SPATA31C1: variants seen among roughly 807,000 people sequenced by gnomAD.
SPATA31C1 encodes the protein spermatogenesis-associated protein 31C1.
rs769002575 is a variant in SPATA31C1 at position 87,921,352 on chromosome 9, T to C, written n.1742T>C. 151 of 1,611,824 alleles carry C rather than the reference T, an allele frequency of 9.4e-5. No homozygotes were observed. The African/African-American group carries it at 1.7e-3, about 19-fold the overall frequency. On this transcript the variant is annotated non_coding_transcript_exon_variant, in exon 5 of 5. Transcript: ENST00000420021. ...GATCTGATGCAGCTTCAGGATGAAT[T>C]GCCAGGGACAAGTCAGGCCAAGGGC... is the stretch of plus-strand genomic sequence containing the variant.
At chr9:87,923,227 A>T in exon 5 of SPATA31C1, 1 of 1,603,266 alleles carries the variant, frequency 6.2e-7, no homozygotes, top group Non-Finnish European at 8.5e-7. Context: ...CACCCGTTCT[A>T]CTCAGACCAC....
intron 2 of SPATA31C1, chr9:87,919,019 C>A: frequency 1.9e-6 from 1 of 524,316 alleles, no homozygotes; most frequent in Non-Finnish European, 3.5e-6. Context: ...ATCCACCTGC[C>A]TCGGCCTCCC....
chr9:87,922,504 A>G (rs1166136557), exon 5 of SPATA31C1: 12 of 1,610,618 alleles, frequency 7.5e-6, no homozygotes, highest in Non-Finnish European at 9.3e-6. Flanking sequence ...AGTGAATTTG[A>G]GCCTGGAATG....
exon 5 of SPATA31C1, chr9:87,922,786 A>C: frequency 6.2e-7 from 1 of 1,606,160 alleles, no homozygotes; most frequent in Non-Finnish European, 8.5e-7. Flanking sequence ...CCCCCTACTC[A>C]CAAGAGGGAG....
chr9:87,919,071 C>A (rs1587587863), intron 2 of SPATA31C1, 184 bp from the exon 2 acceptor site: 1 of 992,704 alleles, frequency 1.0e-6, no homozygotes, highest in Non-Finnish European at 1.5e-6. Flanking sequence ...CACCCGACCC[C>A]CTCTTCCTGT....
chr9:87,920,617 C>T (rs1828828619), exon 5 of SPATA31C1: 6 of 1,613,796 alleles, frequency 3.7e-6, no homozygotes, highest in Non-Finnish European at 5.1e-6. Flanking sequence ...AAAGGCTTCA[C>T]TCCTCCTCCC....
rs746989904 is a variant in SPATA31C1, at chr9:87,921,055, T to C, written n.1445T>C. 2.5e-6 allele frequency: 4 copies of C among 1,611,306 alleles called. No homozygotes were observed. The East Asian group carries it at 8.9e-5, about 36-fold the overall frequency. ...CTATCCCCGATGAAGAACACTGGAG[T>C]AGCTTGCCCTGCGTCGCAGAATAAA... On this transcript the variant is annotated non_coding_transcript_exon_variant, in exon 5 of 5. Coordinates refer to ENST00000420021, the Ensembl canonical transcript of SPATA31C1.
Position 87,916,216 on chromosome 9 carries a change from G to A in SPATA31C1, n.189+1506G>A, listed in dbSNP as rs1232535556. ...TAAGAAAACCAATTAGATACCAATG[G>A]TGGTCAGATATGAAGATGGAGGAAG... On this transcript the variant is annotated intron_variant and non_coding_transcript_variant, in intron 1 of 4. Transcript: ENST00000420021. Among the ~76,000 whole-genome samples, 2 of 138,202 alleles carry A rather than the reference G, an allele frequency of 1.4e-5. 1 individual carries two copies. Among genetic ancestry groups the A allele is most frequent in the East Asian group, 4.5e-4 (2 of 4,484 alleles). The allele number at this position is 138,202 out of a possible 152,430, so 90.7% of individuals were successfully genotyped here.
At chr9:87,922,226 G>C (rs762302091) in exon 5 of SPATA31C1, 1 of 1,613,336 alleles carries the variant, frequency 6.2e-7, no homozygotes, top group South Asian at 1.1e-5. Context: ...AGGAGGGCAG[G>C]TGGCCATCTA....
intron 1 of SPATA31C1, among the ~76,000 whole-genome samples, chr9:87,915,839 T>C (rs1425109456): frequency 1.4e-5 from 2 of 145,710 alleles, no homozygotes; most frequent in Non-Finnish European, 1.5e-5. Context: ...AGTTAAAAAA[T>C]TGGGGAGAAT....
chr9:87,920,143 C>G, intron 4 of SPATA31C1, 109 bp from the exon 4 acceptor site: 1 of 1,599,470 alleles, frequency 6.3e-7, no homozygotes, highest in Non-Finnish European at 8.5e-7. Context: ...CAGGGTGTGG[C>G]GTGGTGGAGA....
At chr9:87,921,830 T>G in exon 5 of SPATA31C1, 1 of 1,612,036 alleles carries the variant, frequency 6.2e-7, no homozygotes, top group Non-Finnish European at 8.5e-7. Flanking sequence ...CCCAGGTGCT[T>G]TCCTTCCTTG....
At chr9:87,922,115 G>A (rs1423625065) in exon 5 of SPATA31C1, 28 of 1,613,860 alleles carry the variant, frequency 1.7e-5, no homozygotes, top group Non-Finnish European at 2.4e-5. Context: ...TGCCAGAGAG[G>A]CTTCAGGCCT....
At chr9:87,920,719 A>T in exon 5 of SPATA31C1, 1 of 1,613,924 alleles carries the variant, frequency 6.2e-7, no homozygotes, top group Non-Finnish European at 8.5e-7. Flanking sequence ...CCACGTGAGG[A>T]TTTGGCGGCT....
intron 1 of SPATA31C1, among the ~76,000 whole-genome samples, chr9:87,916,556 A>G (rs1316958895): frequency 6.7e-6 from 1 of 150,342 alleles, no homozygotes; most frequent in African/African-American, 2.4e-5. Context: ...AACGACAACA[A>G]GAAAAAACAA....
intron 1 of SPATA31C1, among the ~76,000 whole-genome samples, chr9:87,917,076 A>T (rs187668689): frequency 0.049 from 6,135 of 125,618 alleles, 214 homozygotes; most frequent in African/African-American, 0.16. Context: ...ATAGAATTTT[A>T]AAAAAATCTT....
exon 5 of SPATA31C1, chr9:87,922,674 G>C: frequency 4.4e-6 from 7 of 1,608,036 alleles, no homozygotes; most frequent in African/African-American, 1.3e-5. Context: ...GGCTTCCCAG[G>C]AGCTATGTGA....
At chr9:87,920,644 T>C in exon 5 of SPATA31C1, 1 of 1,613,898 alleles carries the variant, frequency 6.2e-7, no homozygotes, top group Non-Finnish European at 8.5e-7. Flanking sequence ...GACTCCACTC[T>C]GTTAACACCA....
rs770309013 is a variant in SPATA31C1 at position 87,922,318 on chromosome 9, G to A, written n.2708G>A. 5 of 1,611,524 alleles carry A rather than the reference G, an allele frequency of 3.1e-6. No homozygotes were observed. The East Asian group carries it at 8.9e-5, about 29-fold the overall frequency. ...CAATCTTCAAGGGCTGGAGAGACCA[G>A]GGAGGCAGTGCCACAACCCACAGTC... On this transcript the variant is annotated non_coding_transcript_exon_variant, in exon 5 of 5. Coordinates refer to ENST00000420021, the Ensembl canonical transcript of SPATA31C1.
Sources: allele counts gnomAD v4.1 joint callset (sites outside exome capture counted in the v4.1 genomes callset), GRCh38; gene constraint gnomAD v4.1.1; transcripts MANE v1.5; gene names NCBI Gene and HGNC (gene_info 2026-07-23, HGNC 2026-07-21).